ITPK1: variants seen among roughly 807,000 people sequenced by gnomAD.
The protein encoded by ITPK1 is inositol-tetrakisphosphate 1-kinase.
A neutral mutation model predicts 45.3 loss-of-function variants in ITPK1; 21 were observed. The observed-to-expected ratio is 0.46, with a 90% CI of 0.33 to 0.67. The LOEUF (loss-of-function observed/expected upper bound fraction) is 0.67, where lower values mean the gene tolerates loss of function less well. Ranked by LOEUF, ITPK1 falls within the 30% of genes least tolerant of loss-of-function variation. The pLI is 0.02. For missense variants in ITPK1, 474 were observed against 573.5 expected, an observed-to-expected ratio of 0.83 and a Z score of 1.77; for synonymous variants, 258 against 253.6, an observed-to-expected ratio of 1.02 and a Z score of -0.16.
At chr14:92,962,871 G>A in intron 5 of ITPK1, 22 bp from the exon 6 acceptor site, 2 of 1,568,194 alleles carry the variant, frequency 1.3e-6, no homozygotes, top group Admixed American at 1.7e-5. Flanking sequence ...GGGAGGCCTG[G>A]TCAGCACAGC....
At chr14:93,098,467 A>C (rs1398182989) in intron 2 of ITPK1, among the ~76,000 whole-genome samples, 3 of 145,080 alleles carry the variant, frequency 2.1e-5, no homozygotes, top group Admixed American at 6.8e-5. Context: ...AAAAAAAAAA[A>C]ACACACAAAA....
chr14:93,028,286 G>C (rs1888850591), intron 3 of ITPK1, among the ~76,000 whole-genome samples: 1 of 152,198 alleles, frequency 6.6e-6, no homozygotes, highest in Non-Finnish European at 1.5e-5. Flanking sequence ...ACAGATTCTT[G>C]AGTCACTGCT....
chr14:93,042,603 C>T (rs1889603510), intron 3 of ITPK1, among the ~76,000 whole-genome samples: 2 of 152,234 alleles, frequency 1.3e-5, no homozygotes, highest in Non-Finnish European at 2.9e-5. Context: ...CAGTGCCCCA[C>T]CTGCATGTCC....
At chr14:93,001,740 G>C (rs962406133) in intron 4 of ITPK1, among the ~76,000 whole-genome samples, 1 of 151,974 alleles carries the variant, frequency 6.6e-6, no homozygotes, top group Non-Finnish European at 1.5e-5. Flanking sequence ...GCTTTCATGG[G>C]AAAGGAAGCG....
rs115736253 is a variant in ITPK1, at chr14:93,055,281, G to A, written c.120+21314C>T. Among the ~76,000 whole-genome samples the A allele has an allele frequency of 2.6e-3, 392 of 152,264 alleles. 3 individuals carry two copies. The highest frequency in any genetic ancestry group is 8.5e-3 in the African/African-American group (353 of 41,544). On this transcript the variant is annotated intron_variant, in intron 3 of 10. Coordinates refer to ENST00000267615, the MANE Select transcript of ITPK1 (RefSeq NM_014216.6). ...GCTGCTGGGAACATTCATTCTACAC[G>A]TGTCTTTTGGTGGACACAGCCCTCC...
intron 3 of ITPK1, among the ~76,000 whole-genome samples, chr14:93,027,109 T>C (rs1888775280): frequency 6.6e-6 from 1 of 152,038 alleles, no homozygotes; most frequent in East Asian, 1.9e-4. Flanking sequence ...TTACTGGATA[T>C]GCACAGAGTA....
intron 4 of ITPK1, among the ~76,000 whole-genome samples, chr14:93,007,448 T>C (rs1887680272): frequency 6.6e-6 from 1 of 151,154 alleles, no homozygotes; most frequent in Admixed American, 6.6e-5. Flanking sequence ...GCCTTGTCCG[T>C]GTGATGCATT....
intron 3 of ITPK1, chr14:93,067,900 AT>A (rs1424706021): frequency 6.5e-6 from 1 of 153,472 alleles, no homozygotes; most frequent in East Asian, 1.9e-4. Flanking sequence ...AAATACCTGC[AT>A]TTCAAATTTT....
rs773424246 is a variant in ITPK1, at chr14:93,032,925, T to C, written c.121-16124A>G. Among the ~76,000 whole-genome samples, 11 of 152,204 alleles carry C rather than the reference T, an allele frequency of 7.2e-5. No homozygotes were observed. Among genetic ancestry groups the C allele is most frequent in the Non-Finnish European group, 8.8e-5 (6 of 68,036 alleles). On this transcript the variant is annotated intron_variant, in intron 3 of 10. Transcript: ENST00000267615. The surrounding 1 kb of genome is among the most constrained non-coding windows in gnomAD (Gnocchi z 4.0). ...CCTTTTCTCTAGGGGGTGAGCCCTT[T>C]AGCAAAGGAGCTGGTGGGCTTCATC...
chr14:93,037,319 G>A (rs1889366744), intron 3 of ITPK1, among the ~76,000 whole-genome samples: 1 of 152,218 alleles, frequency 6.6e-6, no homozygotes, highest in Non-Finnish European at 1.5e-5. Context: ...GGTGTGTGTG[G>A]GTGTGTGTCT....
intron 3 of ITPK1, among the ~76,000 whole-genome samples, chr14:93,074,851 C>T (rs776934541): frequency 1.2e-4 from 18 of 152,140 alleles, no homozygotes; most frequent in Non-Finnish European, 1.9e-4. Flanking sequence ...CCTCCTCTTT[C>T]CACGCCTGTA....
intron 2 of ITPK1, among the ~76,000 whole-genome samples, chr14:93,106,453 G>C (rs1027641061): frequency 1.3e-5 from 2 of 152,176 alleles, no homozygotes; most frequent in Admixed American, 1.3e-4. Flanking sequence ...TTATGGCAGA[G>C]GCTTATAAGG....
At chr14:93,006,070 G>A (rs1038204660) in intron 4 of ITPK1, among the ~76,000 whole-genome samples, 2 of 152,178 alleles carry the variant, frequency 1.3e-5, no homozygotes, top group African/African-American at 2.4e-5. Context: ...GGCTGGCTGA[G>A]CAGCAGAGGG....
chr14:92,975,411 G>T (rs1442576236), intron 5 of ITPK1, among the ~76,000 whole-genome samples: 2 of 152,128 alleles, frequency 1.3e-5, no homozygotes, highest in Admixed American at 6.5e-5. Context: ...GAGGCAGGAG[G>T]CTCGGTGGGA....
chr14:93,048,977 G>A (rs1014269010), intron 3 of ITPK1, among the ~76,000 whole-genome samples: 1 of 152,118 alleles, frequency 6.6e-6, no homozygotes, highest in African/African-American at 2.4e-5. Context: ...CTCCAGTCAT[G>A]TCTTACTGGT....
intron 3 of ITPK1, among the ~76,000 whole-genome samples, chr14:93,052,848 C>T (rs979588437): frequency 7.2e-5 from 11 of 151,988 alleles, no homozygotes; most frequent in Non-Finnish European, 1.3e-4. Context: ...ACTTGGAAAG[C>T]GCTCTGGTGG....
intron 5 of ITPK1, among the ~76,000 whole-genome samples, chr14:92,964,948 A>G (rs541562607): frequency 6.6e-6 from 1 of 152,198 alleles, no homozygotes. Context: ...TTACCCTCAT[A>G]AGAACCCCAC....
At chr14:92,941,964 AG>A in intron 10 of ITPK1, 60 bp from the exon 11 acceptor site, 1 of 1,336,502 alleles carries the variant, frequency 7.5e-7, no homozygotes, top group Non-Finnish European at 1.0e-6. Context: ...TCATGCAGGG[AG>A]GAGGAGGAGG....
At chr14:92,982,602 C>T (rs1250247112) in intron 5 of ITPK1, among the ~76,000 whole-genome samples, 1 of 152,166 alleles carries the variant, frequency 6.6e-6, no homozygotes, top group Non-Finnish European at 1.5e-5. Context: ...TGATTTCAGC[C>T]CGTGACACCC....
Sources: allele counts gnomAD v4.1 joint callset (sites outside exome capture counted in the v4.1 genomes callset), GRCh38; gene constraint gnomAD v4.1.1; non-coding constraint Gnocchi (gnomAD v3.1); transcripts MANE v1.5; gene names NCBI Gene and HGNC (gene_info 2026-07-23, HGNC 2026-07-21).